Variants in KIN observed in about 807,000 individuals in gnomAD.
KIN encodes Kin17 DNA and RNA binding protein.
A neutral mutation model predicts 63.0 loss-of-function variants in KIN; 47 were observed. The ratio of observed to expected loss-of-function variants is 0.75; its 90% CI spans 0.59 to 0.95. The LOEUF (loss-of-function observed/expected upper bound fraction) is 0.95, where lower values mean the gene tolerates loss of function less well. KIN is among the 40% of genes least tolerant of loss of function. The probability of loss-of-function intolerance (pLI) is 0.00; values close to 1 mark genes in which losing one functional copy is unlikely to be tolerated. For synonymous variants in KIN, 160 were observed against 157.7 expected (o/e 1.01, Z -0.11); for missense variants, 408 against 460.9 (o/e 0.89, Z 1.05).
chr10:7,786,767 T>C (rs144475775), intron 1 of KIN, among the ~76,000 whole-genome samples: 1 of 152,288 alleles, frequency 6.6e-6, no homozygotes, highest in East Asian at 1.9e-4. Context: ...TAAATTTCTG[T>C]CATTTAAACC....
At chr10:7,776,024 C>T (rs1382338867) in intron 5 of KIN, among the ~76,000 whole-genome samples, 2 of 151,790 alleles carry the variant, frequency 1.3e-5, no homozygotes, top group South Asian at 2.1e-4. Flanking sequence ...GTCAGTAGTT[C>T]GAGACCAGTC....
At chr10:7,761,058 G>A (rs11255346) in intron 11 of KIN, among the ~76,000 whole-genome samples, 8,598 of 152,150 alleles carry the variant, frequency 0.057, 827 homozygotes, top group African/African-American at 0.2. Context: ...AGCAGATGTC[G>A]AGGAAGACAG....
Position 7,778,898 on chromosome 10 carries a change from T to C in KIN, c.498A>G (p.Glu166=). 1.2e-6 allele frequency: 2 copies of C among 1,614,184 alleles called. No individual in the cohort carries two copies. Among genetic ancestry groups the C allele is most frequent in the South Asian group, 1.1e-5 (1 of 91,076 alleles). ...CTTCAATAAATTTGGCAGTTTTTTC[T>C]TCATCATCAAGGTCCTGCTTTTTCT... ...EKKKKQDLDD[E]EKTAKFIEEQ... The change falls in exon 5 of 13, where the codon GAA becomes GAG. Residue 166 remains glutamate, a synonymous_variant. Coordinates refer to ENST00000379562, the MANE Select transcript of KIN (RefSeq NM_012311.4).
intron 2 of KIN, among the ~76,000 whole-genome samples, chr10:7,780,551 C>T (rs745755783): frequency 1.3e-5 from 2 of 152,024 alleles, no homozygotes; most frequent in South Asian, 2.1e-4. Flanking sequence ...TCCACCACCA[C>T]GCCTGGCTAA....
At chr10:7,772,793 T>C (rs1235732629) in intron 7 of KIN, among the ~76,000 whole-genome samples, 1 of 152,234 alleles carries the variant, frequency 6.6e-6, no homozygotes, top group African/African-American at 2.4e-5. Context: ...ATAAAACTAA[T>C]ATTTTTGCTA....
chr10:7,778,092 T>C (rs1261675960), intron 5 of KIN, among the ~76,000 whole-genome samples: 1 of 152,132 alleles, frequency 6.6e-6, no homozygotes, highest in Admixed American at 6.5e-5. Flanking sequence ...TTGCACCCAC[T>C]GATTCTTCAA....
intron 7 of KIN, among the ~76,000 whole-genome samples, chr10:7,772,317 G>C (rs1306055613): frequency 2.6e-5 from 4 of 152,170 alleles, no homozygotes; most frequent in Non-Finnish European, 5.9e-5. Context: ...GTAAGGCAGA[G>C]TTAAAATAAA....
At chr10:7,765,196 C>T (rs568983642) in intron 9 of KIN, among the ~76,000 whole-genome samples, 2 of 151,164 alleles carry the variant, frequency 1.3e-5, no homozygotes, top group African/African-American at 4.9e-5. Context: ...CACAGTGGCT[C>T]GGGCCAGTAA....
chr10:7,751,971 C>G lies in KIN; in HGVS notation c.*4109G>C, dbSNP rs1358405237. Reference sequence around the variant, plus strand: ...AATGGCGTGAACCCGGGAAGCGGAGCTTGCAGTGAGCCGAGATTGCGCCAC... The same window carrying G: ...AATGGCGTGAACCCGGGAAGCGGAGGTTGCAGTGAGCCGAGATTGCGCCAC... On this transcript the variant is annotated 3_prime_UTR_variant, in exon 13 of 13. Coordinates refer to ENST00000379562, the MANE Select transcript of KIN (RefSeq NM_012311.4). The G allele has an allele frequency of 9.4e-4, 3 of 3,192 alleles. 1 individual carries two copies. The highest frequency in any genetic ancestry group is 6.0e-3 in the South Asian group (1 of 168). 0.2% of individuals were successfully genotyped at this position (3,192 alleles called of 1,614,324 possible). A position where few individuals can be genotyped will look rare whatever the true frequency, so the allele number is the denominator to read the frequency against.
chr10:7,781,697 CAGG>C, intron 2 of KIN, among the ~76,000 whole-genome samples: 1 of 135,444 alleles, frequency 7.4e-6, no homozygotes, highest in East Asian at 2.2e-4. Flanking sequence ...CGCCTGAGCC[CAGG>C]AGGTCAAGGT....
chr10:7,766,955 G>A (rs1042611477), intron 8 of KIN, among the ~76,000 whole-genome samples: 13 of 151,496 alleles, frequency 8.6e-5, no homozygotes, highest in Non-Finnish European at 1.3e-4. Flanking sequence ...CCTGTGAGGC[G>A]GAGGTTGCAG....
At position 7,751,843 on chromosome 10, in the gene KIN, C is replaced by T. The variant is rs1261405324; in HGVS notation, c.*4237G>A. The T allele has an allele frequency of 1.4e-5, 2 of 145,892 alleles. 1 individual carries two copies. Among genetic ancestry groups the T allele is most frequent in the African/African-American group, 5.1e-5 (2 of 39,010 alleles). 9.0% of individuals were successfully genotyped at this position (145,892 alleles called of 1,614,324 possible). ...TTTAGCTTTTAGTATTTTATGTGTG[C>T]ACAGTGGTCTTAAAAGTAACGATGT... On this transcript the variant is annotated 3_prime_UTR_variant, in exon 13 of 13. Coordinates refer to ENST00000379562, the MANE Select transcript of KIN (RefSeq NM_012311.4).
At chr10:7,782,422 A>G (rs1344555293) in intron 2 of KIN, among the ~76,000 whole-genome samples, 2 of 149,000 alleles carry the variant, frequency 1.3e-5, no homozygotes, top group Non-Finnish European at 3.0e-5. Context: ...TTTTTTAGAC[A>G]GAGTCTTGCT....
At position 7,775,816 on chromosome 10, in the gene KIN, T is replaced by C; in HGVS notation, c.559-17A>G. Reference sequence around the variant, plus strand: ...AGGGACCTCCTAAAAAAAAGAAAGTTTTAAGGTTTTGGTGTACATTGCACT... The same window carrying C: ...AGGGACCTCCTAAAAAAAAGAAAGTCTTAAGGTTTTGGTGTACATTGCACT... On this transcript the variant is annotated splice_polypyrimidine_tract_variant and intron_variant, in intron 5 of 12. Coordinates refer to ENST00000379562, the MANE Select transcript of KIN (RefSeq NM_012311.4). 6.6e-7 allele frequency: 1 copy of C among 1,522,170 alleles called. No individual in the cohort carries two copies. The highest frequency in any genetic ancestry group is 8.9e-7 in the Non-Finnish European group (1 of 1,119,092). The allele number at this position is 1,522,170 out of a possible 1,614,324, so 94.3% of individuals were successfully genotyped here.
chr10:7,786,620 A>G (rs1171887423), intron 1 of KIN, among the ~76,000 whole-genome samples: 1 of 151,748 alleles, frequency 6.6e-6, no homozygotes, highest in East Asian at 1.9e-4. Context: ...AGAGGAAGAG[A>G]AGTTTCTATT....
rs372433589 is a variant in KIN at position 7,778,798 on chromosome 10, C to A, written c.558+40G>T. ...AACCAAGCCATTGTGCTTCTTTAGA[C>A]CTCTGGACGTTGCTTCTCAGGATGA... On this transcript the variant is annotated intron_variant, in intron 5 of 12. Coordinates refer to ENST00000379562, the MANE Select transcript of KIN (RefSeq NM_012311.4). 28 of 1,593,440 alleles carry A rather than the reference C, an allele frequency of 1.8e-5. 1 individual carries two copies. The African/African-American group carries it at 2.0e-4, about 12-fold the overall frequency.
In KIN at chr10:7,773,761, G is replaced by C. The variant is rs545558701; in HGVS notation, c.668+1070C>G. 2.4e-3 allele frequency among the ~76,000 whole-genome samples: 366 copies of C among 152,234 alleles called. 1 individual carries two copies. The highest frequency in any genetic ancestry group is 6.7e-3 in the African/African-American group (278 of 41,548). On this transcript the variant is annotated intron_variant, in intron 7 of 12. Coordinates refer to ENST00000379562, the MANE Select transcript of KIN (RefSeq NM_012311.4). Reference sequence around the variant, plus strand: ...AAAAAAACAACATGTAAAGTACTAAGTAAAATAGAAAATATCATCTGGCTT... The same window carrying C: ...AAAAAAACAACATGTAAAGTACTAACTAAAATAGAAAATATCATCTGGCTT...
chr10:7,779,967 AT>A (rs1255775435), intron 4 of KIN, 88 bp downstream of exon 4: 21 of 1,425,430 alleles, frequency 1.5e-5, no homozygotes, highest in Admixed American at 2.1e-5. Context: ...CACTGACCCA[AT>A]TTTTTTTCTC....
chr10:7,769,422 T>G (rs1255603019), intron 7 of KIN, 77 bp from the exon 8 acceptor site: 3 of 1,412,272 alleles, frequency 2.1e-6, no homozygotes, highest in Non-Finnish European at 1.9e-6. Flanking sequence ...AAATTCACAA[T>G]ATAGAATAAA....
Sources: gnomAD v4.1 joint callset for allele counts (sites outside exome capture counted in the v4.1 genomes callset) on GRCh38, gnomAD v4.1.1 for gene constraint, MANE v1.5 for transcripts, NCBI Gene and HGNC (gene_info 2026-07-23, HGNC 2026-07-21) for gene names.